Variants in SHISA6 observed in about 807,000 individuals in gnomAD.
SHISA6 encodes shisa family member 6, also known as protein shisa-6.
In SHISA6, 22 loss-of-function variants were observed where a neutral mutation model predicts 47.9. The observed-to-expected ratio is 0.46, with a 90% CI of 0.33 to 0.66. SHISA6 has a LOEUF of 0.66. SHISA6 is among the 30% of genes least tolerant of loss of function. The pLI is 0.02. For synonymous variants in SHISA6, 388 were observed against 337.8 expected, an observed-to-expected ratio of 1.15 and a Z score of -1.63; for missense variants, 680 against 764.6, an observed-to-expected ratio of 0.89 and a Z score of 1.30.
chr17:11,388,790 TTATA>T (rs56048344), intron 3 of SHISA6, among the ~76,000 whole-genome samples: 2,186 of 49,268 alleles, frequency 0.044, 63 homozygotes, highest in Non-Finnish European at 0.049. Flanking sequence ...AAACAAAAGT[TTATA>T]TATATATATA....
intron 3 of SHISA6, among the ~76,000 whole-genome samples, chr17:11,533,142 C>A (rs2071751563): frequency 6.6e-6 from 1 of 152,144 alleles, no homozygotes; most frequent in South Asian, 2.1e-4. Flanking sequence ...TCATTATCAG[C>A]CCTCTTTGCT....
intron 3 of SHISA6, among the ~76,000 whole-genome samples, chr17:11,396,027 T>G (rs1330571433): frequency 1.3e-5 from 2 of 152,232 alleles, no homozygotes; most frequent in African/African-American, 4.8e-5. Flanking sequence ...TACAGATTGA[T>G]TCACAAGAAT....
At chr17:11,541,986 G>A (rs1183647811) in intron 3 of SHISA6, among the ~76,000 whole-genome samples, 1 of 152,100 alleles carries the variant, frequency 6.6e-6, no homozygotes, top group African/African-American at 2.4e-5. Context: ...TCAGTGCTCT[G>A]GAAATTGACC....
intron 2 of SHISA6, among the ~76,000 whole-genome samples, chr17:11,268,614 T>C (rs1420152281): frequency 6.6e-6 from 1 of 152,228 alleles, no homozygotes; most frequent in African/African-American, 2.4e-5. Context: ...TCTGTTACCA[T>C]CTCCGGCTTT....
chr17:11,274,695 C>T (rs774351159), intron 2 of SHISA6, among the ~76,000 whole-genome samples: 14 of 152,180 alleles, frequency 9.2e-5, no homozygotes, highest in Non-Finnish European at 1.9e-4. Flanking sequence ...CTGAACACTT[C>T]GTTAGGGCCT....
At chr17:11,533,623 C>T (rs1465255768) in intron 3 of SHISA6, among the ~76,000 whole-genome samples, 5 of 121,190 alleles carry the variant, frequency 4.1e-5, no homozygotes, top group Admixed American at 1.1e-4. Flanking sequence ...GATGGAGTCT[C>T]GCTCTGTCTC....
chr17:11,400,889 T>C (rs898913221), intron 3 of SHISA6, among the ~76,000 whole-genome samples: 3 of 152,258 alleles, frequency 2.0e-5, no homozygotes, highest in Non-Finnish European at 4.4e-5. Flanking sequence ...TTTATGGTTC[T>C]ATACAAGTCT....
At chr17:11,453,967 G>A (rs1296492894) in intron 3 of SHISA6, among the ~76,000 whole-genome samples, 3 of 152,194 alleles carry the variant, frequency 2.0e-5, no homozygotes, top group Non-Finnish European at 2.9e-5. Flanking sequence ...GCTTTTGTTT[G>A]GATGTAAATT....
chr17:11,398,900 CTT>C, intron 3 of SHISA6, among the ~76,000 whole-genome samples: 1 of 151,912 alleles, frequency 6.6e-6, no homozygotes, highest in Admixed American at 6.6e-5. Flanking sequence ...CCCAATAGTA[CTT>C]TTGATCATTC....
At chr17:11,293,788 C>T (rs1026001067) in intron 2 of SHISA6, among the ~76,000 whole-genome samples, 12 of 152,124 alleles carry the variant, frequency 7.9e-5, no homozygotes, top group Admixed American at 6.5e-5. Context: ...AGGATTCAAC[C>T]GGGTCACACT....
intron 3 of SHISA6, among the ~76,000 whole-genome samples, chr17:11,526,718 G>A (rs895843913): frequency 1.3e-5 from 2 of 151,986 alleles, no homozygotes; most frequent in Admixed American, 6.6e-5. Context: ...GCATTTTGCT[G>A]AAGCATTTTG....
At chr17:11,254,991 T>C (rs1278237388) in intron 1 of SHISA6, among the ~76,000 whole-genome samples, 1 of 152,206 alleles carries the variant, frequency 6.6e-6, no homozygotes, top group East Asian at 1.9e-4. Flanking sequence ...CTTAAAGATC[T>C]GGTTTCTTCT....
chr17:11,506,639 G>A (rs2071501280), intron 3 of SHISA6, among the ~76,000 whole-genome samples: 1 of 152,256 alleles, frequency 6.6e-6, no homozygotes, highest in Non-Finnish European at 1.5e-5. Context: ...TAGCCCAGAG[G>A]AGTACAAAGT....
chr17:11,372,424 A>G (rs1912656471), intron 2 of SHISA6, among the ~76,000 whole-genome samples: 1 of 152,182 alleles, frequency 6.6e-6, no homozygotes, highest in African/African-American at 2.4e-5. Flanking sequence ...TGCCAAACTG[A>G]TTGGTTTTCT....
At chr17:11,276,139 G>A (rs1294060288) in intron 2 of SHISA6, among the ~76,000 whole-genome samples, 3 of 151,976 alleles carry the variant, frequency 2.0e-5, no homozygotes, top group Non-Finnish European at 2.9e-5. Flanking sequence ...CACCATGCCT[G>A]GCTAATTTTT....
At chr17:11,271,594 C>T (rs913661477) in intron 2 of SHISA6, among the ~76,000 whole-genome samples, 1 of 146,020 alleles carries the variant, frequency 6.8e-6, no homozygotes, top group African/African-American at 2.5e-5. Context: ...CACACCACCA[C>T]GCCTGGCTTT....
intron 2 of SHISA6, among the ~76,000 whole-genome samples, chr17:11,330,267 A>G (rs920370482): frequency 1.1e-4 from 16 of 152,104 alleles, no homozygotes; most frequent in African/African-American, 3.9e-4. Context: ...AGGGGGAGAC[A>G]ATCCATCTGA....
At chr17:11,342,668 C>A (rs924317785) in intron 2 of SHISA6, among the ~76,000 whole-genome samples, 1 of 152,200 alleles carries the variant, frequency 6.6e-6, no homozygotes, top group Non-Finnish European at 1.5e-5. Context: ...ACCAACCCCT[C>A]CTTTTGCATA....
At chr17:11,503,132 T>C (rs1185697219) in intron 3 of SHISA6, among the ~76,000 whole-genome samples, 1 of 152,194 alleles carries the variant, frequency 6.6e-6, no homozygotes, top group African/African-American at 2.4e-5. Flanking sequence ...CATCTAGTCC[T>C]CATATAACAG....
Sources: allele counts gnomAD v4.1 joint callset (sites outside exome capture counted in the v4.1 genomes callset), GRCh38; gene constraint gnomAD v4.1.1; transcripts MANE v1.5; gene names NCBI Gene and HGNC (gene_info 2026-07-23, HGNC 2026-07-21).